Variants in PDE1C observed in about 807,000 individuals in gnomAD.
PDE1C encodes dual specificity calcium/calmodulin-dependent 3',5'-cyclic nucleotide phosphodiesterase 1C.
PDE1C carries 62 observed loss-of-function variants against 93.1 expected under a neutral mutation model. The ratio of observed to expected loss-of-function variants is 0.67; its 90% confidence interval spans 0.54 to 0.82. PDE1C has a LOEUF of 0.82. Among genes scored for constraint, PDE1C ranks in the 40% least tolerant of loss-of-function variants. PDE1C has a pLI of 0.00. For missense variants in PDE1C, 742 were observed against 884.6 expected (o/e 0.84, Z 2.04); for synonymous variants, 325 against 310.1 (o/e 1.05, Z -0.50).
intron 1 of PDE1C, among the ~76,000 whole-genome samples, chr7:32,243,895 G>A (rs955623790): frequency 1.3e-5 from 2 of 152,182 alleles, no homozygotes; most frequent in Admixed American, 6.5e-5. Flanking sequence ...TTCTGAACTG[G>A]CTGTAGAAAG....
At chr7:32,010,009 C>G (rs534507088) in intron 2 of PDE1C, among the ~76,000 whole-genome samples, 1 of 152,140 alleles carries the variant, frequency 6.6e-6, no homozygotes, top group South Asian at 2.1e-4. Flanking sequence ...TACAAAACAT[C>G]GCTGAAACTA....
intron 1 of PDE1C, among the ~76,000 whole-genome samples, chr7:32,354,984 G>A (rs747788891): frequency 1.3e-5 from 2 of 152,152 alleles, no homozygotes; most frequent in African/African-American, 2.4e-5. Context: ...GGAGGACTTC[G>A]TCTTGTTTCA....
In PDE1C at chr7:32,313,201, G is replaced by A. The variant is rs569010044; in HGVS notation, c.311-103662C>T. 6.4e-4 allele frequency among the ~76,000 whole-genome samples: 98 copies of A among 152,256 alleles called. 1 individual carries two copies. Among genetic ancestry groups the A allele is most frequent in the South Asian group, 1.7e-3 (8 of 4,826 alleles). On this transcript the variant is annotated intron_variant, in intron 1 of 1. Coordinates refer to the PDE1C transcript ENST00000672256. ...GAGAAATGCAAATCAAAACCACAAT[G>A]AGATACCATCTCACACCAATTAGAA...
At chr7:32,333,706 G>A (rs907442146) in intron 1 of PDE1C, among the ~76,000 whole-genome samples, 13 of 152,156 alleles carry the variant, frequency 8.5e-5, no homozygotes, top group Admixed American at 1.3e-4. Flanking sequence ...TACCTACATC[G>A]TGGGACTAGA....
At chr7:31,867,782 G>A (rs1366748914) in intron 6 of PDE1C, among the ~76,000 whole-genome samples, 1 of 150,964 alleles carries the variant, frequency 6.6e-6, no homozygotes, top group East Asian at 2.0e-4. Flanking sequence ...ACTCCCTGGG[G>A]CCCAAGGCAT....
At chr7:32,121,789 G>A (rs961056615) in intron 3 of PDE1C, among the ~76,000 whole-genome samples, 17 of 152,172 alleles carry the variant, frequency 1.1e-4, no homozygotes, top group African/African-American at 4.1e-4. Flanking sequence ...AAAGACCAAT[G>A]ACACTATGAA....
chr7:31,645,596 A>ACCACCACCAC, the PDE1C span, among the ~76,000 whole-genome samples: 1 of 150,400 alleles, frequency 6.6e-6, no homozygotes, highest in Non-Finnish European at 1.5e-5. Context: ...CATAACCATC[A>ACCACCACCAC]TCACCACCAC....
At chr7:32,281,942 T>C (rs913354103) in intron 1 of PDE1C, among the ~76,000 whole-genome samples, 15 of 151,960 alleles carry the variant, frequency 9.9e-5, no homozygotes, top group Non-Finnish European at 1.9e-4. Flanking sequence ...TTCTCCCGCA[T>C]AGGTGGGAGT....
intron 1 of PDE1C, among the ~76,000 whole-genome samples, chr7:32,314,474 A>G (rs575276191): frequency 1.3e-5 from 2 of 152,324 alleles, no homozygotes; most frequent in African/African-American, 2.4e-5. Flanking sequence ...TTGCACAGCG[A>G]TAAGTCCCAG....
At chr7:31,706,301 G>A in the PDE1C span, among the ~76,000 whole-genome samples, 56,461 of 151,554 alleles carry the variant, frequency 0.37, 10,957 homozygotes, top group East Asian at 0.68. Context: ...CACCACACCC[G>A]GCCCAGTAAA....
At chr7:32,002,455 A>C (rs1785593305) in intron 2 of PDE1C, among the ~76,000 whole-genome samples, 1 of 152,156 alleles carries the variant, frequency 6.6e-6, no homozygotes, top group African/African-American at 2.4e-5. Context: ...TTTGAGCCTC[A>C]GTTTCCTCAT....
At chr7:32,205,755 G>A (rs997355404) in intron 2 of PDE1C, among the ~76,000 whole-genome samples, 3 of 152,142 alleles carry the variant, frequency 2.0e-5, no homozygotes, top group East Asian at 1.9e-4. Context: ...TGAAGCCAGC[G>A]AGACCATGAA....
At chr7:31,884,210 A>T (rs1415132598) in intron 2 of PDE1C, among the ~76,000 whole-genome samples, 1 of 152,126 alleles carries the variant, frequency 6.6e-6, no homozygotes, top group East Asian at 1.9e-4. Flanking sequence ...GATGAAACAG[A>T]AAAAAAATTC....
chr7:31,760,759 T>TACACACACACACACACAC (rs10573498), intron 17 of PDE1C, among the ~76,000 whole-genome samples: 190 of 148,686 alleles, frequency 1.3e-3, no homozygotes, highest in Admixed American at 2.9e-3. Flanking sequence ...CTGCAATGTG[T>TACACACACACACACACAC]ACACACACAC....
chr7:31,945,180 A>G (rs961629111), intron 2 of PDE1C, among the ~76,000 whole-genome samples: 2 of 152,196 alleles, frequency 1.3e-5, no homozygotes, highest in African/African-American at 2.4e-5. Flanking sequence ...CTCTCATCCC[A>G]TAGGACATTG....
At chr7:32,038,913 A>T (rs1791465393) in intron 2 of PDE1C, among the ~76,000 whole-genome samples, 1 of 152,176 alleles carries the variant, frequency 6.6e-6, no homozygotes, top group Admixed American at 6.5e-5. Context: ...CATCTGTCAG[A>T]TCTCAAAATC....
chr7:31,760,758 G>T (rs2128607160), intron 17 of PDE1C, among the ~76,000 whole-genome samples: 1 of 61,070 alleles, frequency 1.6e-5, no homozygotes, highest in African/African-American at 5.3e-5. Flanking sequence ...TCTGCAATGT[G>T]TACACACACA....
At chr7:32,187,257 T>C (rs1803944335) in intron 2 of PDE1C, among the ~76,000 whole-genome samples, 2 of 152,094 alleles carry the variant, frequency 1.3e-5, no homozygotes, top group African/African-American at 4.8e-5. Flanking sequence ...GTCTCTCAAG[T>C]AGCTGGGATT....
At chr7:32,219,380 TGGA>T (rs1182135399) in intron 1 of PDE1C, among the ~76,000 whole-genome samples, 3 of 152,188 alleles carry the variant, frequency 2.0e-5, no homozygotes, top group Non-Finnish European at 2.9e-5. Context: ...GTTTTTTTAT[TGGA>T]GGAGGGGAGT....
Sources: gnomAD v4.1 joint callset for allele counts (sites outside exome capture counted in the v4.1 genomes callset) on GRCh38, gnomAD v4.1.1 for gene constraint, MANE v1.5 for transcripts, NCBI Gene and HGNC (gene_info 2026-07-23, HGNC 2026-07-21) for gene names.